SNX25: variants seen among roughly 807,000 people sequenced by gnomAD.
SNX25 encodes sorting nexin 25, also known as sorting nexin-25.
SNX25 carries 62 observed loss-of-function variants against 113.7 expected under a neutral mutation model. The ratio of observed to expected loss-of-function variants is 0.55; its 90% CI spans 0.44 to 0.67. The LOEUF (loss-of-function observed/expected upper bound fraction) is 0.67, where lower values mean the gene tolerates loss of function less well. Among genes scored for constraint, SNX25 ranks in the 30% least tolerant of loss-of-function variants. The pLI, the probability that SNX25 is intolerant of heterozygous loss-of-function variation, is 0.00. For synonymous variants in SNX25, 421 were observed against 436.2 expected (o/e 0.97, Z 0.43); for missense variants, 1,014 against 1,161.0 (o/e 0.87, Z 1.84).
At position 185,230,566 on chromosome 4, in the gene SNX25, A is replaced by AT. The variant is rs879518195; in HGVS notation, c.430-16716dup. ...AGCCAACACACCTGGCTAATTTTGTATTTTTTTTTTTTAATAGAGACAGGG... is the reference window on the plus strand; with the variant it reads ...AGCCAACACACCTGGCTAATTTTGTATTTTTTTTTTTTTAATAGAGACAGGG... On this transcript the variant is annotated intron_variant, in intron 1 of 18. Coordinates refer to ENST00000652585, the MANE Select transcript of SNX25 (RefSeq NM_001378034.2). 5.3e-3 allele frequency among the ~76,000 whole-genome samples: 762 copies of AT among 143,746 alleles called. 3 individuals carry two copies. The highest frequency in any genetic ancestry group is 0.012 in the South Asian group (53 of 4,492). 94.3% of individuals were successfully genotyped at this position (143,746 alleles called of 152,430 possible).
At chr4:185,284,036 C>G (rs991362009) in intron 5 of SNX25, among the ~76,000 whole-genome samples, 1 of 152,126 alleles carries the variant, frequency 6.6e-6, no homozygotes, top group Non-Finnish European at 1.5e-5. Context: ...GAAATGTTGA[C>G]TCTTGTTAAT....
At chr4:185,275,265 ATAG>A (rs1460798975) in intron 5 of SNX25, among the ~76,000 whole-genome samples, 1 of 152,232 alleles carries the variant, frequency 6.6e-6, no homozygotes, top group Non-Finnish European at 1.5e-5. Flanking sequence ...GAATCTGAAA[ATAG>A]TAGAGAGGGA....
At chr4:185,309,981 T>C (rs1011270166) in intron 6 of SNX25, among the ~76,000 whole-genome samples, 14 of 152,244 alleles carry the variant, frequency 9.2e-5, no homozygotes, top group African/African-American at 3.4e-4. Context: ...AACGGCCTTC[T>C]TTCAGTTCCT....
intron 10 of SNX25, among the ~76,000 whole-genome samples, chr4:185,333,642 A>G (rs769571762): frequency 2.0e-5 from 3 of 152,222 alleles, no homozygotes; most frequent in Non-Finnish European, 1.5e-5. Context: ...TAACAAAGAA[A>G]AAGCAAAAAA....
chr4:185,366,889 G>A (rs568212334), downstream of SNX25: 21 of 218,298 alleles, frequency 9.6e-5, no homozygotes, highest in African/African-American at 4.1e-4. Context: ...TTTAAGAAAG[G>A]ATAAACGATA....
Position 185,334,456 on chromosome 4 carries a change from C to T in SNX25, c.1914+1697C>T, listed in dbSNP as rs1274335109. ...TTCTCCCCCTTATGTGGAGTCACTC[C>T]CATTTACTACATACAGAACTCGAAA... On this transcript the variant is annotated intron_variant, in intron 10 of 18. Coordinates refer to ENST00000652585, the MANE Select transcript of SNX25 (RefSeq NM_001378034.2). This position sits in a 1 kb window ranked among gnomAD's most constrained non-coding sequence, Gnocchi z 4.2. Among the ~76,000 whole-genome samples the T allele has an allele frequency of 6.6e-6, 1 of 152,164 alleles. No homozygotes were observed. Among genetic ancestry groups the T allele is most frequent in the Non-Finnish European group, 1.5e-5 (1 of 68,026 alleles).
intron 15 of SNX25, among the ~76,000 whole-genome samples, chr4:185,356,083 C>T (rs1236454754): frequency 1.3e-5 from 2 of 152,132 alleles, no homozygotes; most frequent in African/African-American, 2.4e-5. Flanking sequence ...CAGCAGAATC[C>T]TAGTGCTGCT....
At chr4:185,373,630 T>G (rs2095423658), downstream of SNX25, among the ~76,000 whole-genome samples, 1 of 152,368 alleles carries the variant, frequency 6.6e-6, no homozygotes, top group South Asian at 2.1e-4. Context: ...TTAGTTGTTA[T>G]GTGTCTCTTG....
chr4:185,267,115 A>G lies in SNX25; in HGVS notation c.1051A>G (p.Ile351Val), dbSNP rs112410475. 1.1e-5 allele frequency: 17 copies of G among 1,613,946 alleles called. No individual in the cohort carries two copies. The highest frequency in any genetic ancestry group is 5.3e-5 in the African/African-American group (4 of 75,018). Residue 351 changes from isoleucine to valine, a missense_variant, in exon 5 of 19, where the codon ATT becomes GTT. Coordinates refer to ENST00000652585, the MANE Select transcript of SNX25 (RefSeq NM_001378034.2). ...APSYEDFIKL[I>V]NSNSDVEFLK... is the part of the protein sequence containing the mutation. ...CTCTTACGAGGACTTCATCAAGCTC[A>G]TTAACAGCAACTCTGATGTGGAGTT...
In SNX25 at chr4:185,363,462, T is replaced by C. The variant is rs768883039; in HGVS notation, c.3012T>C (p.Val1004=). ...TAGATCAACTTAAAGCTGGCCAAGT[T>C]TGAGACTACACAAATAAACCACCAG... ...VHLDQLKAGQ[V] Residue 1004 remains valine, a synonymous_variant, in exon 19 of 19, where the codon GTT becomes GTC. Transcript: ENST00000652585. The surrounding 1 kb of genome is among the most constrained non-coding windows in gnomAD (Gnocchi z 4.2). 1.3e-5 allele frequency: 21 copies of C among 1,613,770 alleles called. No homozygotes were observed. The Admixed American group carries it at 1.5e-4, about 12-fold the overall frequency.
intron 7 of SNX25, among the ~76,000 whole-genome samples, chr4:185,311,857 C>T (rs2095033443): frequency 6.6e-6 from 1 of 152,206 alleles, no homozygotes; most frequent in Non-Finnish European, 1.5e-5. Context: ...CAGGGTTCTA[C>T]AGCATCTTAC....
chr4:185,322,283 T>C (rs1283788134), intron 8 of SNX25, among the ~76,000 whole-genome samples: 1 of 151,942 alleles, frequency 6.6e-6, no homozygotes, highest in Non-Finnish European at 1.5e-5. Context: ...ATACAAAAAT[T>C]AGCCAGGCGT....
chr4:185,377,880 T>A, the SNX25 span: 1 of 514,170 alleles, frequency 1.9e-6, no homozygotes, highest in African/African-American at 2.0e-5. Context: ...AAGACCTAAC[T>A]ATCTGTGAGA....
chr4:185,357,802 C>T (rs1366682928), intron 16 of SNX25, 65 bp downstream of exon 16: 2 of 1,288,182 alleles, frequency 1.6e-6, no homozygotes, highest in Non-Finnish European at 1.1e-6. Context: ...GTCAAATTAC[C>T]TTATGATCTA....
intron 13 of SNX25, among the ~76,000 whole-genome samples, chr4:185,350,603 C>A (rs901953711): frequency 6.6e-6 from 1 of 152,212 alleles, no homozygotes; most frequent in Non-Finnish European, 1.5e-5. Context: ...TGGCTCACGC[C>A]TGTAATCCCA....
chr4:185,359,195 A>G (rs1407735044), intron 16 of SNX25, among the ~76,000 whole-genome samples: 1 of 152,146 alleles, frequency 6.6e-6, no homozygotes, highest in Non-Finnish European at 1.5e-5. Flanking sequence ...TCTACAGAAA[A>G]TAAAAAAATT....
At chr4:185,239,398 GC>G (rs1743247155) in intron 1 of SNX25, among the ~76,000 whole-genome samples, 2 of 152,156 alleles carry the variant, frequency 1.3e-5, no homozygotes, top group African/African-American at 4.8e-5. Flanking sequence ...CAGGAGAATG[GC>G]TTGAACCCAG....
At chr4:185,233,146 T>A (rs1356447543) in intron 1 of SNX25, among the ~76,000 whole-genome samples, 1 of 152,110 alleles carries the variant, frequency 6.6e-6, no homozygotes, top group Non-Finnish European at 1.5e-5. Context: ...TAGCTGGGCA[T>A]GGTGGCACAT....
chr4:185,258,823 T>C (rs779156520), intron 2 of SNX25, 25 bp from the exon 3 acceptor site: 6 of 1,577,336 alleles, frequency 3.8e-6, no homozygotes, highest in African/African-American at 1.3e-5. Context: ...TTTGTTTTAC[T>C]CATTGCTTTG....
Sources: gnomAD v4.1 joint callset for allele counts (sites outside exome capture counted in the v4.1 genomes callset) on GRCh38, gnomAD v4.1.1 for gene constraint, Gnocchi (gnomAD v3.1) non-coding constraint, MANE v1.5 for transcripts, NCBI Gene and HGNC (gene_info 2026-07-23, HGNC 2026-07-21) for gene names.